Variants in TMBIM4 observed in about 807,000 individuals in gnomAD.
The protein encoded by TMBIM4 is protein lifeguard 4.
Under a neutral mutation model 27.7 loss-of-function variants are expected in TMBIM4, and 28 were observed. That is an observed-to-expected ratio of 1.01 (90% CI 0.75 to 1.38). The LOEUF is 1.38. Ranked by LOEUF, TMBIM4 falls within the 40% of genes most tolerant of loss-of-function variation. The pLI, the probability that TMBIM4 is intolerant of heterozygous loss-of-function variation, is 0.00. For synonymous variants in TMBIM4, 115 were observed against 113.1 expected (o/e 1.02, Z -0.11); for missense variants, 265 against 277.5 (o/e 0.95, Z 0.32).
intron 3 of TMBIM4, among the ~76,000 whole-genome samples, chr12:66,149,483 T>TG (rs1194374213): frequency 3.4e-3 from 513 of 149,224 alleles, no homozygotes; most frequent in African/African-American, 0.012. Context: ...GAAATTTTTT[T>TG]GGGGGGGGCA....
At chr12:66,169,751 A>C in intron 1 of TMBIM4, 104 bp downstream of exon 1, 1 of 875,266 alleles carries the variant, frequency 1.1e-6, no homozygotes, top group Non-Finnish European at 1.7e-6. Flanking sequence ...ACTCCCTGTG[A>C]GTCCCAGGAG....
At chr12:66,151,170 C>G (rs200388215) in intron 3 of TMBIM4, among the ~76,000 whole-genome samples, 44 of 151,988 alleles carry the variant, frequency 2.9e-4, no homozygotes, top group Non-Finnish European at 2.8e-4. Flanking sequence ...AATTCATAAA[C>G]TTTTTAGTTT....
chr12:66,166,653 C>T (rs770686186), intron 1 of TMBIM4, among the ~76,000 whole-genome samples: 34 of 152,094 alleles, frequency 2.2e-4, no homozygotes, highest in Non-Finnish European at 4.7e-4. Flanking sequence ...CAAATGCTGA[C>T]GAGTATGTGG....
At chr12:66,146,318 T>TA (rs1218998323) in intron 4 of TMBIM4, among the ~76,000 whole-genome samples, 1 of 152,298 alleles carries the variant, frequency 6.6e-6, no homozygotes, top group East Asian at 1.9e-4. Flanking sequence ...GATTGTCCAT[T>TA]ATGGTTTAAA....
chr12:66,155,756 G>A (rs1330975069), intron 1 of TMBIM4, among the ~76,000 whole-genome samples: 3 of 152,066 alleles, frequency 2.0e-5, no homozygotes, highest in Non-Finnish European at 2.9e-5. Flanking sequence ...TTGTAAAACT[G>A]ATTTACAGTT....
intron 1 of TMBIM4, among the ~76,000 whole-genome samples, chr12:66,158,227 C>CA (rs397947155): frequency 0.35 from 39,644 of 112,342 alleles, 7,042 homozygotes; most frequent in African/African-American, 0.46. Flanking sequence ...CTCCGTCTCA[C>CA]AAAAAAAAAA....
intron 1 of TMBIM4, among the ~76,000 whole-genome samples, chr12:66,159,657 A>G (rs2052002197): frequency 6.6e-6 from 1 of 152,202 alleles, no homozygotes. Flanking sequence ...CTTCTCATAC[A>G]ATCCACCCGC....
chr12:66,139,524 C>G (rs943558024), intron 5 of TMBIM4, among the ~76,000 whole-genome samples: 4 of 152,138 alleles, frequency 2.6e-5, no homozygotes, highest in African/African-American at 4.8e-5. Context: ...CTATATTTGC[C>G]CCAGCTACAG....
At chr12:66,152,231 G>C (rs1300814090) in intron 3 of TMBIM4, 40 bp downstream of exon 3, 7 of 1,272,024 alleles carry the variant, frequency 5.5e-6, no homozygotes, top group Non-Finnish European at 4.4e-6. Flanking sequence ...TAAAACTCAG[G>C]AATAATTGTT....
intron 1 of TMBIM4, among the ~76,000 whole-genome samples, chr12:66,167,099 G>A (rs1185888): frequency 0.5 from 76,686 of 152,086 alleles, 20,638 homozygotes; most frequent in East Asian, 0.79. Context: ...GGAGACAATA[G>A]AAGATCAGCA....
intron 5 of TMBIM4, among the ~76,000 whole-genome samples, chr12:66,143,554 A>G (rs17767200): frequency 0.3 from 45,503 of 152,024 alleles, 7,393 homozygotes; most frequent in South Asian, 0.41. Flanking sequence ...TAGCACACCA[A>G]TGACCAGTTG....
intron 1 of TMBIM4, among the ~76,000 whole-genome samples, chr12:66,156,606 A>T (rs2051940453): frequency 6.6e-6 from 1 of 152,136 alleles, no homozygotes. Flanking sequence ...ATATCATGTG[A>T]CTCTGCTTAA....
chr12:66,140,440 A>G (rs2051649401), intron 5 of TMBIM4, among the ~76,000 whole-genome samples: 2 of 152,248 alleles, frequency 1.3e-5, no homozygotes, highest in African/African-American at 4.8e-5. Flanking sequence ...AAACTAACCA[A>G]AATGAATCGC....
intron 1 of TMBIM4, among the ~76,000 whole-genome samples, chr12:66,158,238 A>AAC (rs1555199812): frequency 5.6e-4 from 85 of 151,690 alleles, no homozygotes; most frequent in African/African-American, 2.0e-3. Context: ...AAAAAAAAAA[A>AAC]AAACAAAAAA....
At chr12:66,142,562 C>A (rs2051685341) in intron 5 of TMBIM4, among the ~76,000 whole-genome samples, 1 of 151,854 alleles carries the variant, frequency 6.6e-6, no homozygotes, top group Non-Finnish European at 1.5e-5. Flanking sequence ...GACACCTACA[C>A]ACACAGTGGG....
intron 1 of TMBIM4, among the ~76,000 whole-genome samples, chr12:66,163,004 C>CA (rs1215711543): frequency 1.3e-5 from 2 of 152,078 alleles, no homozygotes; most frequent in African/African-American, 4.8e-5. Flanking sequence ...AGGGGCTGTC[C>CA]AAAAAATATT....
intron 4 of TMBIM4, 73 bp from the exon 5 acceptor site, chr12:66,146,031 T>C (rs895039706): frequency 1.5e-5 from 11 of 716,904 alleles, no homozygotes; most frequent in Admixed American, 9.9e-5. Flanking sequence ...TGGCATTTTA[T>C]AGAAATGCTT....
intron 1 of TMBIM4, among the ~76,000 whole-genome samples, chr12:66,164,130 C>T (rs533108784): frequency 6.6e-6 from 1 of 152,280 alleles, no homozygotes; most frequent in South Asian, 2.1e-4. Flanking sequence ...CCACAACCTT[C>T]ATGATAAAAA....
intron 5 of TMBIM4, among the ~76,000 whole-genome samples, chr12:66,140,185 C>G (rs2051644707): frequency 6.6e-6 from 1 of 151,900 alleles, no homozygotes; most frequent in Admixed American, 6.6e-5. Flanking sequence ...AGAAACAAAT[C>G]CAGAAATGAC....
Sources: allele counts gnomAD v4.1 joint callset (sites outside exome capture counted in the v4.1 genomes callset), GRCh38; gene constraint gnomAD v4.1.1; transcripts MANE v1.5; gene names NCBI Gene and HGNC (gene_info 2026-07-23, HGNC 2026-07-21).